The following SULF2 variants were observed in gnomAD, a reference collection of about 807,000 sequenced individuals.
SULF2 encodes sulfatase 2, also known as extracellular sulfatase Sulf-2.
Under a neutral mutation model 107.7 loss-of-function variants are expected in SULF2, and 52 were observed. That is an observed-to-expected ratio of 0.48 (90% CI 0.39 to 0.61). SULF2 has a LOEUF of 0.61. SULF2 is among the 20% of genes least tolerant of loss of function. The pLI, the probability that SULF2 is intolerant of heterozygous loss-of-function variation, is 0.00. For synonymous variants in SULF2, 460 were observed against 464.3 expected, an observed-to-expected ratio of 0.99 and a Z score of 0.12; for missense variants, 993 against 1,177.3, an observed-to-expected ratio of 0.84 and a Z score of 2.29.
In SULF2 at chr20:47,668,114, G is replaced by A. The variant is rs140022654; in HGVS notation, c.1577-1626C>T. On this transcript the variant is annotated intron_variant, in intron 11 of 20. Transcript: ENST00000688720. ...CCCTGTGCCAAGCAGGTCCTGCCCC[G>A]AGAGGCTCAGGAAATAGACCCAGCG... Among the ~76,000 whole-genome samples, 344 of 152,268 alleles carry A rather than the reference G, an allele frequency of 2.3e-3. 1 individual carries two copies. Among genetic ancestry groups the A allele is most frequent in the African/African-American group, 7.7e-3 (321 of 41,552 alleles).
rs542775364 is a variant in SULF2, at chr20:47,684,765, C to T, written c.738-184G>A. ...GGGGCTTATCCAAACCCTGTTTCAGCGTTTCTCCACGTGTGAAGTGTGCAC... is the reference window on the plus strand; with the variant it reads ...GGGGCTTATCCAAACCCTGTTTCAGTGTTTCTCCACGTGTGAAGTGTGCAC... On this transcript the variant is annotated intron_variant, in intron 5 of 20. Coordinates refer to ENST00000688720, the MANE Select transcript of SULF2 (RefSeq NM_001387048.1). The T allele has an allele frequency of 3.9e-4, 217 of 553,466 alleles. 2 individuals are homozygous for T. Among genetic ancestry groups the T allele is most frequent in the South Asian group, 3.5e-3 (149 of 42,950 alleles). 34.3% of individuals were successfully genotyped at this position (553,466 alleles called of 1,614,324 possible). A position where few individuals can be genotyped will look rare whatever the true frequency, so the allele number is the denominator to read the frequency against.
chr20:47,778,624 G>A (rs1223407294), intron 1 of SULF2, among the ~76,000 whole-genome samples: 2 of 151,392 alleles, frequency 1.3e-5, no homozygotes, highest in Non-Finnish European at 2.9e-5. Flanking sequence ...TACAAGGCCC[G>A]AGATCCCACA....
At chr20:47,745,975 G>T (rs1211100599) in intron 2 of SULF2, among the ~76,000 whole-genome samples, 2 of 152,194 alleles carry the variant, frequency 1.3e-5, no homozygotes, top group Non-Finnish European at 2.9e-5. Context: ...TTCTTTAATT[G>T]CGAGATTTCA....
intron 2 of SULF2, among the ~76,000 whole-genome samples, chr20:47,738,806 C>T (rs1462650890): frequency 6.6e-6 from 1 of 152,156 alleles, no homozygotes; most frequent in Non-Finnish European, 1.5e-5. Context: ...TACCCAGTCT[C>T]GGGTATATCT....
At chr20:47,785,046 C>G (rs1297768857) in intron 1 of SULF2, among the ~76,000 whole-genome samples, 2 of 152,046 alleles carry the variant, frequency 1.3e-5, no homozygotes, top group Admixed American at 1.3e-4. Context: ...CGCCTGTGCT[C>G]GGTGTGCCGT....
intron 5 of SULF2, chr20:47,685,476 T>G (rs2087967968): frequency 6.6e-6 from 1 of 152,328 alleles, no homozygotes; most frequent in South Asian, 2.1e-4. Flanking sequence ...CTGCCCACCT[T>G]GGCCTCCCAA....
At chr20:47,663,720 T>C in intron 15 of SULF2, 98 bp from the exon 16 acceptor site, 1 of 1,362,536 alleles carries the variant, frequency 7.3e-7, no homozygotes, top group Non-Finnish European at 9.9e-7. Context: ...CGCTGAGGCT[T>C]CTCCAACAGA....
At chr20:47,698,989 C>A (rs891815360) in intron 4 of SULF2, among the ~76,000 whole-genome samples, 1 of 152,156 alleles carries the variant, frequency 6.6e-6, no homozygotes, top group African/African-American at 2.4e-5. Flanking sequence ...CAAGATCATA[C>A]CATTGCACTC....
chr20:47,665,922 A>G lies in SULF2; in HGVS notation c.1837T>C (p.Cys613Arg), dbSNP rs1194993815. 2 of 1,613,942 alleles carry G rather than the reference A, an allele frequency of 1.2e-6. No individual in the cohort carries two copies. The change falls in exon 13 of 21, where the codon TGT (cysteine) becomes CGT (arginine). Residue 613 changes from cysteine (C) to arginine (R), a missense_variant. Transcript: ENST00000688720. ...CYILENDTVQCDLDLYKSLQA... is the reference protein window; with the variant it reads ...CYILENDTVQRDLDLYKSLQA... Reference sequence around the variant, plus strand: ...AGGGACTTGTACAGGTCCAGGTCACACTGGACTGTGTCGTTCTCTAGGATG... The same window carrying G: ...AGGGACTTGTACAGGTCCAGGTCACGCTGGACTGTGTCGTTCTCTAGGATG...
In SULF2 at chr20:47,658,171, A is replaced by G. The variant is rs1369190470; in HGVS notation, c.*191T>C. The G allele has an allele frequency of 3.2e-6, 2 of 627,710 alleles. No homozygotes were observed. The highest frequency in any genetic ancestry group is 5.7e-6 in the Non-Finnish European group (2 of 350,198). The allele number at this position is 627,710 out of a possible 1,614,324, so 38.9% of individuals were successfully genotyped here. On this transcript the variant is annotated 3_prime_UTR_variant, in exon 21 of 21. Transcript: ENST00000688720. ...AAAGCAAAAGCAGGGGCAAAAATGG[A>G]CTTCCTGAAGTTATCTCTGCTCCTG...
rs146411372 is a variant in SULF2 at position 47,766,004 on chromosome 20, T to C, written c.-100-8541A>G. Among the ~76,000 whole-genome samples the C allele has an allele frequency of 3.5e-4, 53 of 152,234 alleles. No individual in the cohort carries two copies. In the East Asian group the frequency reaches 0.01, roughly 29 times the overall value. Reference sequence around the variant, plus strand: ...CAAAGTTCTGAAGAATCCAAAGGATTTGGATGGCCAGTGAAGAGGAGGGTG... The same window carrying C: ...CAAAGTTCTGAAGAATCCAAAGGATCTGGATGGCCAGTGAAGAGGAGGGTG... On this transcript the variant is annotated intron_variant, in intron 1 of 20. Coordinates refer to ENST00000688720, the MANE Select transcript of SULF2 (RefSeq NM_001387048.1).
intron 3 of SULF2, among the ~76,000 whole-genome samples, chr20:47,709,790 G>A (rs546441309): frequency 3.9e-5 from 6 of 152,094 alleles, no homozygotes; most frequent in Non-Finnish European, 7.4e-5. Flanking sequence ...GGAAAAATGC[G>A]GAGGTGGGAA....
At chr20:47,755,510 T>C (rs2090260244) in intron 2 of SULF2, among the ~76,000 whole-genome samples, 1 of 152,186 alleles carries the variant, frequency 6.6e-6, no homozygotes, top group African/African-American at 2.4e-5. Flanking sequence ...GCCCCAAATC[T>C]AGCGGCTGCC....
At chr20:47,687,608 C>A (rs2088052730) in intron 5 of SULF2, among the ~76,000 whole-genome samples, 1 of 152,088 alleles carries the variant, frequency 6.6e-6, no homozygotes, top group Admixed American at 6.5e-5. Flanking sequence ...TGTCTGTGGG[C>A]ACGCCTGTGT....
intron 1 of SULF2, among the ~76,000 whole-genome samples, chr20:47,766,949 G>A (rs1275182554): frequency 3.6e-4 from 51 of 140,266 alleles, no homozygotes; most frequent in East Asian, 4.0e-4. Flanking sequence ...ATGATCAGTA[G>A]AAAAAAAAAA....
chr20:47,703,329 T>C (rs1858349632), intron 3 of SULF2, among the ~76,000 whole-genome samples: 1 of 152,240 alleles, frequency 6.6e-6, no homozygotes, highest in South Asian at 2.1e-4. Context: ...ATGACAAAGC[T>C]ACAGATTCTG....
chr20:47,664,630 T>C lies in SULF2; in HGVS notation c.1998-441A>G, dbSNP rs528833307. On this transcript the variant is annotated intron_variant, in intron 14 of 20. Transcript: ENST00000688720. ...GGGAAGCCTGTGTTTTGCAACACTT[T>C]CTGGAAAGACAGCAGGGCTTCTACA... is the stretch of plus-strand genomic sequence containing the variant. Among the ~76,000 whole-genome samples, 11 of 152,354 alleles carry C rather than the reference T, an allele frequency of 7.2e-5. No individual in the cohort carries two copies. The East Asian group carries it at 2.1e-3, about 29-fold the overall frequency.
intron 1 of SULF2, among the ~76,000 whole-genome samples, chr20:47,766,106 G>A (rs1024495382): frequency 1.3e-5 from 2 of 152,014 alleles, no homozygotes; most frequent in African/African-American, 4.8e-5. Context: ...GCCCCTGGAG[G>A]GATGGGAAAG....
intron 1 of SULF2, among the ~76,000 whole-genome samples, chr20:47,762,744 G>A (rs565017966): frequency 1.8e-4 from 27 of 152,340 alleles, no homozygotes; most frequent in African/African-American, 6.5e-4. Context: ...GCCCTGGGCT[G>A]GGTAAAGATG....
Sources: gnomAD v4.1 joint callset for allele counts (sites outside exome capture counted in the v4.1 genomes callset) on GRCh38, gnomAD v4.1.1 for gene constraint, MANE v1.5 for transcripts, NCBI Gene and HGNC (gene_info 2026-07-23, HGNC 2026-07-21) for gene names.